The following LRP1B variants were observed in gnomAD, a reference collection of about 807,000 sequenced individuals.
LRP1B encodes low-density lipoprotein receptor-related protein 1B.
LRP1B carries 217 observed loss-of-function variants against 556.6 expected under a neutral mutation model. That is an observed-to-expected ratio of 0.39 (90% CI 0.35 to 0.44). The LOEUF (loss-of-function observed/expected upper bound fraction) is 0.44, where lower values mean the gene tolerates loss of function less well. Among genes scored for constraint, LRP1B ranks in the 20% least tolerant of loss-of-function variants. The pLI is 1.00. For missense variants in LRP1B, 5,053 were observed against 5,620.8 expected, an observed-to-expected ratio of 0.90 and a Z score of 3.23; for synonymous variants, 2,047 against 1,865.8, an observed-to-expected ratio of 1.10 and a Z score of -2.50.
rs78946158 is a variant in LRP1B at position 141,395,084 on chromosome 2, A to C, written c.343+85312T>G. 7.5e-3 allele frequency among the ~76,000 whole-genome samples: 1,139 copies of C among 152,226 alleles called. 5 individuals are homozygous for C. The highest frequency in any genetic ancestry group is 0.011 in the Non-Finnish European group (776 of 67,962). On this transcript the variant is annotated intron_variant, in intron 3 of 90. Coordinates refer to ENST00000389484, the MANE Select transcript of LRP1B (RefSeq NM_018557.3). ...CAAAGCTGAAAATGTCCTACCACCT[A>C]GTAATGTCATAGCTGTTGTAACCTC...
chr2:140,901,337 T>C (rs940801975), intron 23 of LRP1B, among the ~76,000 whole-genome samples: 2 of 152,210 alleles, frequency 1.3e-5, no homozygotes, highest in Non-Finnish European at 2.9e-5. Context: ...GTCTCTGCTG[T>C]GCTGCCTGTT....
intron 82 of LRP1B, among the ~76,000 whole-genome samples, chr2:140,319,724 G>A (rs1170105951): frequency 6.6e-6 from 1 of 152,108 alleles, no homozygotes; most frequent in Non-Finnish European, 1.5e-5. Context: ...TATGACGCAG[G>A]CAGAACAGCT....
intron 2 of LRP1B, among the ~76,000 whole-genome samples, chr2:141,555,783 A>G (rs542878026): frequency 2.6e-4 from 39 of 151,978 alleles, no homozygotes; most frequent in East Asian, 1.2e-3. Flanking sequence ...TGTATTTTAT[A>G]TATATTCTAC....
intron 32 of LRP1B, among the ~76,000 whole-genome samples, chr2:140,790,104 A>T: frequency 6.6e-6 from 1 of 152,128 alleles, no homozygotes; most frequent in South Asian, 2.1e-4. Flanking sequence ...ACATTTTTGT[A>T]TATATTTATG....
chr2:141,652,486 T>A (rs1689834569), intron 2 of LRP1B, among the ~76,000 whole-genome samples: 1 of 152,176 alleles, frequency 6.6e-6, no homozygotes, highest in South Asian at 2.1e-4. Context: ...CTGTATGTCT[T>A]TTTAGCAACA....
At chr2:140,574,847 C>T (rs143267700) in intron 43 of LRP1B, among the ~76,000 whole-genome samples, 228 of 152,116 alleles carry the variant, frequency 1.5e-3, no homozygotes, top group African/African-American at 5.3e-3. Flanking sequence ...AGTAATTAAC[C>T]AATATTTCTC....
At chr2:141,942,281 C>G (rs1700831473) in intron 1 of LRP1B, among the ~76,000 whole-genome samples, 1 of 152,138 alleles carries the variant, frequency 6.6e-6, no homozygotes, top group African/African-American at 2.4e-5. Flanking sequence ...CTGTTCTGCT[C>G]AATGAAGTAA....
At chr2:141,368,433 C>G (rs964028804) in intron 3 of LRP1B, among the ~76,000 whole-genome samples, 1 of 152,160 alleles carries the variant, frequency 6.6e-6, no homozygotes, top group Non-Finnish European at 1.5e-5. Context: ...ACATGTTATA[C>G]TACAGAGGGG....
intron 1 of LRP1B, among the ~76,000 whole-genome samples, chr2:141,850,557 A>ATG (rs910196906): frequency 4.6e-4 from 69 of 149,454 alleles, no homozygotes; most frequent in African/African-American, 1.6e-3. Flanking sequence ...ATATATATAT[A>ATG]TGTGTGTGTG....
chr2:140,321,358 T>C (rs1362807938), intron 82 of LRP1B, among the ~76,000 whole-genome samples: 2 of 150,486 alleles, frequency 1.3e-5, no homozygotes, highest in African/African-American at 4.9e-5. Context: ...CTTATCCATT[T>C]TGTTTCTGTT....
At chr2:140,885,794 A>C (rs1425953361) in intron 24 of LRP1B, among the ~76,000 whole-genome samples, 1 of 49,268 alleles carries the variant, frequency 2.0e-5, no homozygotes, top group Non-Finnish European at 5.6e-5. Context: ...AGATGGTAGC[A>C]AAATTAAAAA....
At chr2:141,507,155 T>A (rs1320794627) in intron 2 of LRP1B, among the ~76,000 whole-genome samples, 1 of 152,172 alleles carries the variant, frequency 6.6e-6, no homozygotes, top group African/African-American at 2.4e-5. Context: ...TTTTGCAGCA[T>A]CTTGCCTAAA....
intron 21 of LRP1B, among the ~76,000 whole-genome samples, chr2:140,919,241 C>A (rs1694668753): frequency 6.6e-6 from 1 of 152,080 alleles, no homozygotes; most frequent in South Asian, 2.1e-4. Context: ...TATCTACAAG[C>A]ATTGCTGCTT....
At chr2:140,374,590 C>T (rs978528764) in intron 68 of LRP1B, among the ~76,000 whole-genome samples, 5 of 152,046 alleles carry the variant, frequency 3.3e-5, no homozygotes, top group African/African-American at 4.8e-5. Context: ...TTTTATTCAC[C>T]GCTGTATTCT....
chr2:140,706,387 A>G (rs963706666), intron 37 of LRP1B, among the ~76,000 whole-genome samples: 1 of 152,218 alleles, frequency 6.6e-6, no homozygotes, highest in African/African-American at 2.4e-5. Flanking sequence ...ACTTGTCCAA[A>G]TCAAATGCTA....
At chr2:140,464,098 G>T (rs1573967703) in intron 60 of LRP1B, among the ~76,000 whole-genome samples, 1 of 151,920 alleles carries the variant, frequency 6.6e-6, no homozygotes, top group Non-Finnish European at 1.5e-5. Context: ...CGGGAGGCTG[G>T]GGCAGAAGAA....
At chr2:141,307,030 C>G (rs1400133751) in intron 3 of LRP1B, among the ~76,000 whole-genome samples, 1 of 152,062 alleles carries the variant, frequency 6.6e-6, no homozygotes, top group Admixed American at 6.5e-5. Context: ...AAAATATGGT[C>G]TATCTGGAGA....
At chr2:140,763,498 G>C (rs543831265) in intron 35 of LRP1B, among the ~76,000 whole-genome samples, 1 of 152,206 alleles carries the variant, frequency 6.6e-6, no homozygotes, top group Non-Finnish European at 1.5e-5. Context: ...AGTGCCTGAA[G>C]TTTCATGAGA....
At chr2:142,020,299 G>A (rs1214239844) in intron 1 of LRP1B, among the ~76,000 whole-genome samples, 1 of 152,150 alleles carries the variant, frequency 6.6e-6, no homozygotes, top group Non-Finnish European at 1.5e-5. Context: ...GAGGCCCAAA[G>A]CATGCTTTGG....
Sources: allele counts gnomAD v4.1 joint callset (sites outside exome capture counted in the v4.1 genomes callset), GRCh38; gene constraint gnomAD v4.1.1; transcripts MANE v1.5; gene names NCBI Gene and HGNC (gene_info 2026-07-23, HGNC 2026-07-21).